Variants in ASS1 observed in about 807,000 individuals in gnomAD.
The protein encoded by ASS1 is argininosuccinate synthase.
Under a neutral mutation model 60.5 loss-of-function variants are expected in ASS1, and 58 were observed. That is an observed-to-expected ratio of 0.96 (90% confidence interval 0.78 to 1.19). The LOEUF is 1.19. Ranked by LOEUF, ASS1 falls within the 50% of genes most tolerant of loss-of-function variation. ASS1 has a pLI of 0.00. For synonymous variants in ASS1, 200 were observed against 206.9 expected, an observed-to-expected ratio of 0.97 and a Z score of 0.29; for missense variants, 454 against 547.3, an observed-to-expected ratio of 0.83 and a Z score of 1.70.
upstream of ASS1, among the ~76,000 whole-genome samples, chr9:130,444,732 C>T (rs527662706): frequency 1.4e-3 from 209 of 151,990 alleles, no homozygotes; most frequent in African/African-American, 4.9e-3. This position sits in a 1 kb window ranked among gnomAD's most constrained non-coding sequence, Gnocchi z 4.7. Context: ...GGAGGGTGAG[C>T]CGGCGCCGGG....
chr9:130,454,581 G>A (rs1845396423), intron 3 of ASS1, among the ~76,000 whole-genome samples: 1 of 152,018 alleles, frequency 6.6e-6, no homozygotes, highest in Non-Finnish European at 1.5e-5. Context: ...TCCCATCCAG[G>A]TGGAGTGTCT....
rs1845388039 is a variant in ASS1 at position 130,454,302 on chromosome 9, C to T, written c.106-3C>T. Reference sequence around the variant, plus strand: ...ACGGAGCCTCTCCGCTTCTGCTTCTCAGGCCAACATTGGCCAGAAGGAAGA... The same window carrying T: ...ACGGAGCCTCTCCGCTTCTGCTTCTTAGGCCAACATTGGCCAGAAGGAAGA... On this transcript the variant is annotated splice_polypyrimidine_tract_variant and splice_region_variant and intron_variant, in intron 2 of 14. Coordinates refer to ENST00000352480, the MANE Select transcript of ASS1 (RefSeq NM_054012.4). 2 of 1,610,656 alleles carry T rather than the reference C, an allele frequency of 1.2e-6. No homozygotes were observed. Among genetic ancestry groups the T allele is most frequent in the East Asian group, 4.5e-5 (2 of 44,804 alleles).
intron 1 of ASS1, among the ~76,000 whole-genome samples, chr9:130,447,716 C>T (rs994280102): frequency 2.0e-5 from 3 of 152,168 alleles, no homozygotes; most frequent in Admixed American, 6.5e-5. Context: ...CCAGGATCTG[C>T]CTGCCAGGCG....
rs1253209450 is a variant in ASS1, at chr9:130,473,503, ACCCAGGCACCCAGAG to A, written c.597+1989_597+2003del. Among the ~76,000 whole-genome samples, 326 of 39,670 alleles carry A rather than the reference ACCCAGGCACCCAGAG, an allele frequency of 8.2e-3. 2 individuals carry two copies. The highest frequency in any genetic ancestry group is 0.016 in the African/African-American group (310 of 19,748). 26.0% of individuals were successfully genotyped at this position (39,670 alleles called of 152,430 possible). On this transcript the variant is annotated intron_variant, in intron 8 of 14. Transcript: ENST00000352480. ...GTCCCACCCAGGCACCCAGAGTCCC[ACCCAGGCACCCAGAG>A]TCCAGTCACTCTGGAAAGAAGTTTG...
chr9:130,491,390 G>A lies in ASS1; in HGVS notation c.970+1926G>A, dbSNP rs1306946102. ...CGCGGCCACGGCTGCCACTTATCCT[G>A]CCATCTTGCTGCTAGGCTCTGAGCT... On this transcript the variant is annotated intron_variant, in intron 12 of 14. Transcript: ENST00000352480. This position sits in a 1 kb window ranked among gnomAD's most constrained non-coding sequence, Gnocchi z 5.3. 6.6e-6 allele frequency among the ~76,000 whole-genome samples: 1 copy of A among 152,178 alleles called. No individual in the cohort carries two copies. Among genetic ancestry groups the A allele is most frequent in the Non-Finnish European group, 1.5e-5 (1 of 68,030 alleles).
intron 3 of ASS1, among the ~76,000 whole-genome samples, chr9:130,456,089 G>A (rs1460495095): frequency 6.6e-6 from 1 of 152,230 alleles, no homozygotes; most frequent in Non-Finnish European, 1.5e-5. Context: ...TATTCTAGAT[G>A]AGCAGTTCTC....
At position 130,489,553 on chromosome 9, in the gene ASS1, G is replaced by A. The variant is rs544680364; in HGVS notation, c.970+89G>A. On this transcript the variant is annotated intron_variant, in intron 12 of 14. Coordinates refer to ENST00000352480, the MANE Select transcript of ASS1 (RefSeq NM_054012.4). The surrounding 1 kb of genome is among the most constrained non-coding windows in gnomAD (Gnocchi z 4.1). ...GCTCTCGGGCCTGGCCCTCCCCTCCGTATCAGCACCTTCCTCCCCTGCCGC... is the reference window on the plus strand; with the variant it reads ...GCTCTCGGGCCTGGCCCTCCCCTCCATATCAGCACCTTCCTCCCCTGCCGC... 195 of 1,593,410 alleles carry A rather than the reference G, an allele frequency of 1.2e-4. No individual in the cohort carries two copies. Among genetic ancestry groups the A allele is most frequent in the South Asian group, 4.5e-4 (41 of 90,546 alleles).
chr9:130,475,243 T>C (rs968924477), intron 8 of ASS1, among the ~76,000 whole-genome samples: 1 of 152,208 alleles, frequency 6.6e-6, no homozygotes, highest in African/African-American at 2.4e-5. Flanking sequence ...GGGCCGAGCA[T>C]GTACCCCCAG....
At chr9:130,452,610 C>T (rs1019622219) in intron 2 of ASS1, among the ~76,000 whole-genome samples, 2 of 152,230 alleles carry the variant, frequency 1.3e-5, no homozygotes, top group African/African-American at 4.8e-5. Context: ...CTTGGCAGTG[C>T]TGCTGGCTTA....
At position 130,476,942 on chromosome 9, in the gene ASS1, C is replaced by T. The variant is rs763203138; in HGVS notation, c.669C>T (p.Leu223=). The T allele has an allele frequency of 1.9e-5, 31 of 1,613,960 alleles. No homozygotes were observed. The highest frequency in any genetic ancestry group is 2.5e-5 in the Non-Finnish European group (29 of 1,179,998). Residue 223 remains leucine (L), a synonymous_variant, in exon 9 of 15, where the codon CTC becomes CTT. Coordinates refer to ENST00000352480, the MANE Select transcript of ASS1 (RefSeq NM_054012.4). The surrounding 1 kb of genome is among the most constrained non-coding windows in gnomAD (Gnocchi z 4.9). ...AAGCCCCCAACACCCCTGACATTCTCGAGATCGAGTTCAAAAAAGGTATGT... is the reference window on the plus strand; with the variant it reads ...AAGCCCCCAACACCCCTGACATTCTTGAGATCGAGTTCAAAAAAGGTATGT... ...PAKAPNTPDI[L]EIEFKKGVPV... is the part of the protein sequence containing the mutation.
intron 12 of ASS1, among the ~76,000 whole-genome samples, chr9:130,493,678 C>G (rs1846509050): frequency 6.6e-6 from 1 of 152,202 alleles, no homozygotes; most frequent in African/African-American, 2.4e-5. Context: ...CCTGCAGCTG[C>G]CCAGGTGGGC....
At chr9:130,455,927 CCTT>C (rs1214496306) in intron 3 of ASS1, among the ~76,000 whole-genome samples, 26 of 152,360 alleles carry the variant, frequency 1.7e-4, no homozygotes, top group Admixed American at 1.6e-3. Context: ...GAATGTCCCT[CCTT>C]GGTTCTGTGC....
Position 130,494,829 on chromosome 9 carries a change from G to A in ASS1, c.971-38G>A, listed in dbSNP as rs377354895. On this transcript the variant is annotated intron_variant, in intron 12 of 14. Coordinates refer to ENST00000352480, the MANE Select transcript of ASS1 (RefSeq NM_054012.4). This position sits in a 1 kb window ranked among gnomAD's most constrained non-coding sequence, Gnocchi z 4.3. Reference sequence around the variant, plus strand: ...GTCTCCCTGTGTCCTCGCGGTGCAGGAGGCCTCCCTAGTGGTATCCTGTTT... The same window carrying A: ...GTCTCCCTGTGTCCTCGCGGTGCAGAAGGCCTCCCTAGTGGTATCCTGTTT... 51 of 1,612,710 alleles carry A rather than the reference G, an allele frequency of 3.2e-5. No individual in the cohort carries two copies. Among genetic ancestry groups the A allele is most frequent in the Non-Finnish European group, 4.2e-5 (49 of 1,179,528 alleles).
intron 11 of ASS1, among the ~76,000 whole-genome samples, chr9:130,487,759 T>TA (rs1846342362): frequency 1.5e-5 from 1 of 68,346 alleles, no homozygotes; most frequent in African/African-American, 3.3e-5. Flanking sequence ...TTTCCTTCCT[T>TA]TTTTTTTTTT....
At position 130,478,535 on chromosome 9, in the gene ASS1, G is replaced by A. The variant is rs1846079111; in HGVS notation, c.689-1181G>A. On this transcript the variant is annotated intron_variant, in intron 9 of 14. Transcript: ENST00000352480. This position sits in a 1 kb window ranked among gnomAD's most constrained non-coding sequence, Gnocchi z 4.7. ...AAAAGACCGGAGGAACCCTCCCCTG[G>A]CTAGTGCCCATTCACTCTCTAGTTA... 6.6e-6 allele frequency among the ~76,000 whole-genome samples: 1 copy of A among 152,228 alleles called. No individual in the cohort carries two copies. Among genetic ancestry groups the A allele is most frequent in the Non-Finnish European group, 1.5e-5 (1 of 68,040 alleles).
At chr9:130,496,010 T>C (rs1189950694) in intron 13 of ASS1, among the ~76,000 whole-genome samples, 1 of 152,136 alleles carries the variant, frequency 6.6e-6, no homozygotes, top group Non-Finnish European at 1.5e-5. Flanking sequence ...CGCCGGACAC[T>C]TGGGTCTAGA....
chr9:130,480,563 G>A, intron 11 of ASS1, 114 bp downstream of exon 11: 1 of 1,172,416 alleles, frequency 8.5e-7, no homozygotes, highest in East Asian at 2.5e-5. Context: ...GGCGACCTTG[G>A]GCACGTCCTT....
In ASS1 at chr9:130,464,172, G is replaced by A; in HGVS notation, c.420+5G>A. On this transcript the variant is annotated splice_donor_5th_base_variant and intron_variant, in intron 5 of 14. Transcript: ENST00000352480. ...TCACTGGCCCCCCAGATAAAGGTAGGATGTGGCTCCTCCCCTTAGCAGGGA... is the reference window on the plus strand; with the variant it reads ...TCACTGGCCCCCCAGATAAAGGTAGAATGTGGCTCCTCCCCTTAGCAGGGA... 1 of 1,614,136 alleles carries A rather than the reference G, an allele frequency of 6.2e-7. No individual in the cohort carries two copies. The highest frequency in any genetic ancestry group is 8.5e-7 in the Non-Finnish European group (1 of 1,179,966).
chr9:130,500,881 GC>G, intron 14 of ASS1, 94 bp from the exon 15 acceptor site: 2 of 1,381,054 alleles, frequency 1.4e-6, no homozygotes. Context: ...ACAAACAGCT[GC>G]CCCAGCCACC....
Sources: gnomAD v4.1 joint callset for allele counts (sites outside exome capture counted in the v4.1 genomes callset) on GRCh38, gnomAD v4.1.1 for gene constraint, Gnocchi (gnomAD v3.1) non-coding constraint, MANE v1.5 for transcripts, NCBI Gene and HGNC (gene_info 2026-07-23, HGNC 2026-07-21) for gene names.